Variants in RPS6KC1 observed in about 807,000 individuals in gnomAD.
RPS6KC1 encodes inactive ribosomal protein S6 kinase delta-1.
A neutral mutation model predicts 103.8 loss-of-function variants in RPS6KC1; 54 were observed. The observed-to-expected ratio is 0.52, with a 90% confidence interval of 0.42 to 0.65. RPS6KC1 has a LOEUF of 0.65. Among genes scored for constraint, RPS6KC1 ranks in the 30% least tolerant of loss-of-function variants. The probability of loss-of-function intolerance (pLI) is 0.00; values close to 1 mark genes in which losing one functional copy is unlikely to be tolerated. For synonymous variants in RPS6KC1, 439 were observed against 438.7 expected (o/e 1.00, Z -0.01); for missense variants, 1,151 against 1,253.8 (o/e 0.92, Z 1.24).
chr1:213,305,593 C>T, the RPS6KC1 span, among the ~76,000 whole-genome samples: 1 of 152,126 alleles, frequency 6.6e-6, no homozygotes, highest in Non-Finnish European at 1.5e-5. Flanking sequence ...AGATGGTGCC[C>T]ATGGCTGGGC....
the RPS6KC1 span, among the ~76,000 whole-genome samples, chr1:213,557,562 C>T: frequency 1.6e-4 from 25 of 152,282 alleles, 1 homozygote; most frequent in East Asian, 4.8e-3. Context: ...AAATGTGAAA[C>T]TGGCCTTCTA....
chr1:213,071,348 C>T (rs899891534), intron 2 of RPS6KC1, among the ~76,000 whole-genome samples: 1 of 152,100 alleles, frequency 6.6e-6, no homozygotes, highest in Non-Finnish European at 1.5e-5. Context: ...AGGCTGGTCT[C>T]GAATTCCTGA....
chr1:213,654,112 A>T, the RPS6KC1 span, among the ~76,000 whole-genome samples: 1 of 152,232 alleles, frequency 6.6e-6, no homozygotes, highest in Non-Finnish European at 1.5e-5. Context: ...GGCTGTCTTC[A>T]TGTGCCCAAG....
At chr1:213,316,244 A>G in the RPS6KC1 span, among the ~76,000 whole-genome samples, 7 of 152,224 alleles carry the variant, frequency 4.6e-5, no homozygotes, top group African/African-American at 1.7e-4. Flanking sequence ...CCCTTCTGCC[A>G]TGATTGTAAG....
chr1:213,365,929 G>C, the RPS6KC1 span, among the ~76,000 whole-genome samples: 5,029 of 152,354 alleles, frequency 0.033, 137 homozygotes, highest in Non-Finnish European at 0.049. Context: ...TATGTAAACA[G>C]GTGGCAGGCC....
intron 1 of RPS6KC1, among the ~76,000 whole-genome samples, chr1:213,068,483 CAAAAAAAAAAAAAAAA>C (rs71147057): frequency 2.8e-5 from 1 of 36,362 alleles, no homozygotes; most frequent in Non-Finnish European, 4.6e-5. Context: ...GACTCTGTCT[CAAAAAAAAAAAAAAAA>C]AAAAAAAAAA....
At chr1:213,153,422 A>G (rs1335243841) in intron 6 of RPS6KC1, among the ~76,000 whole-genome samples, 1 of 152,196 alleles carries the variant, frequency 6.6e-6, no homozygotes, top group Admixed American at 6.5e-5. Context: ...TTAACTTGAT[A>G]ACAACTTAAC....
chr1:213,120,492 G>A (rs569451390), intron 5 of RPS6KC1, among the ~76,000 whole-genome samples: 6 of 152,202 alleles, frequency 3.9e-5, no homozygotes, highest in African/African-American at 1.4e-4. Flanking sequence ...GCAAACTCTG[G>A]AGACAACCAG....
rs2091143396 is a variant in RPS6KC1 at position 213,167,967 on chromosome 1, A to G, written c.945A>G (p.Val315=). The change falls in exon 7 of 15, where the codon GTA becomes GTG. Residue 315 remains valine, a synonymous_variant. Coordinates refer to ENST00000366960, the MANE Select transcript of RPS6KC1 (RefSeq NM_012424.6). ...SLYGKPQLDD[V]SQPPGSLSSR... ...ATGGGAAACCTCAGCTTGATGATGT[A>G]TCTCAGGTATGTCTCATATTTTGTT... The G allele has an allele frequency of 1.9e-6, 3 of 1,596,512 alleles. No individual in the cohort carries two copies. Among genetic ancestry groups the G allele is most frequent in the Non-Finnish European group, 2.6e-6 (3 of 1,164,742 alleles).
At chr1:213,361,329 G>A in the RPS6KC1 span, among the ~76,000 whole-genome samples, 2 of 152,248 alleles carry the variant, frequency 1.3e-5, no homozygotes, top group Admixed American at 1.3e-4. Flanking sequence ...AATGAGCAAG[G>A]CTCCGTGGGC....
At chr1:213,509,613 G>T in the RPS6KC1 span, among the ~76,000 whole-genome samples, 1 of 152,104 alleles carries the variant, frequency 6.6e-6, no homozygotes. Context: ...TCTTAGCAGC[G>T]ACTTGGGCTC....
At chr1:213,836,369 TG>T in the RPS6KC1 span, among the ~76,000 whole-genome samples, 3 of 152,162 alleles carry the variant, frequency 2.0e-5, no homozygotes, top group Admixed American at 6.5e-5. Context: ...AAACTTCATG[TG>T]GAAGAATATC....
the RPS6KC1 span, among the ~76,000 whole-genome samples, chr1:213,314,044 C>A: frequency 6.6e-6 from 1 of 152,292 alleles, no homozygotes; most frequent in African/African-American, 2.4e-5. Flanking sequence ...GCCCTGCTTC[C>A]TCCGAGACTC....
the RPS6KC1 span, among the ~76,000 whole-genome samples, chr1:213,715,175 G>A: frequency 1.2e-4 from 19 of 152,284 alleles, no homozygotes; most frequent in East Asian, 7.7e-4. Context: ...TAAAGAAGTC[G>A]GAAGCAGGAT....
At chr1:213,777,698 G>A in the RPS6KC1 span, among the ~76,000 whole-genome samples, 100 of 152,288 alleles carry the variant, frequency 6.6e-4, 1 homozygote, top group African/African-American at 2.4e-3. Flanking sequence ...GCAATAAAAC[G>A]AAGTATGCCT....
intron 6 of RPS6KC1, 49 bp downstream of exon 6, chr1:213,129,938 T>TG (rs746116637): frequency 2.2e-5 from 34 of 1,515,914 alleles, no homozygotes; most frequent in African/African-American, 8.4e-5. Context: ...TGTTGGTATG[T>TG]GGGAAAAAAA....
intron 1 of RPS6KC1, among the ~76,000 whole-genome samples, chr1:213,066,125 C>T (rs1283025682): frequency 2.0e-5 from 3 of 152,152 alleles, no homozygotes; most frequent in Non-Finnish European, 2.9e-5. Context: ...TTTCCCTATG[C>T]CTAGCGCAGT....
chr1:213,779,489 T>A, the RPS6KC1 span, among the ~76,000 whole-genome samples: 1 of 152,238 alleles, frequency 6.6e-6, no homozygotes, highest in East Asian at 1.9e-4. Flanking sequence ...GTTTTCTTTC[T>A]TTTTCTTTTA....
intron 6 of RPS6KC1, among the ~76,000 whole-genome samples, chr1:213,141,322 C>A (rs1175066002): frequency 1.3e-5 from 2 of 152,048 alleles, no homozygotes; most frequent in East Asian, 3.9e-4. Flanking sequence ...TTCAGATACT[C>A]AGTTTCTTCC....
Sources: gnomAD v4.1 joint callset for allele counts (sites outside exome capture counted in the v4.1 genomes callset) on GRCh38, gnomAD v4.1.1 for gene constraint, MANE v1.5 for transcripts, NCBI Gene and HGNC (gene_info 2026-07-23, HGNC 2026-07-21) for gene names.